Variants in KAZN observed in about 807,000 individuals in gnomAD.
KAZN encodes the protein kazrin.
Under a neutral mutation model 87.4 loss-of-function variants are expected in KAZN, and 40 were observed. That is an observed-to-expected ratio of 0.46 (90% CI 0.36 to 0.60). The LOEUF is 0.60. KAZN is among the 20% of genes least tolerant of loss of function. KAZN has a pLI of 0.00. For missense variants in KAZN, 898 were observed against 1,073.9 expected, an observed-to-expected ratio of 0.84 and a Z score of 2.29; for synonymous variants, 466 against 458.3, an observed-to-expected ratio of 1.02 and a Z score of -0.22.
chr1:14,420,592 A>C (rs1309572874), intron 2 of KAZN, among the ~76,000 whole-genome samples: 1 of 152,198 alleles, frequency 6.6e-6, no homozygotes, highest in African/African-American at 2.4e-5. Context: ...TCAGGAGCCC[A>C]CGGCAGGAGT....
At chr1:14,781,624 A>G (rs959259571) in intron 1 of KAZN, among the ~76,000 whole-genome samples, 28 of 152,330 alleles carry the variant, frequency 1.8e-4, no homozygotes, top group African/African-American at 3.4e-4. Flanking sequence ...CAAGGTTGCA[A>G]TGTTACTGAC....
chr1:14,545,373 T>C (rs911471431), intron 2 of KAZN, among the ~76,000 whole-genome samples: 3 of 152,344 alleles, frequency 2.0e-5, no homozygotes, highest in East Asian at 1.9e-4. Context: ...GCTGTGGTTT[T>C]AATTGCAAGC....
chr1:14,686,267 G>A (rs1640945585), intron 1 of KAZN, among the ~76,000 whole-genome samples: 1 of 152,154 alleles, frequency 6.6e-6, no homozygotes, highest in Non-Finnish European at 1.5e-5. Flanking sequence ...TTTTCACCAT[G>A]TTGGCCAGGA....
At chr1:14,783,630 C>T (rs932637556) in intron 1 of KAZN, among the ~76,000 whole-genome samples, 2 of 152,160 alleles carry the variant, frequency 1.3e-5, no homozygotes, top group African/African-American at 2.4e-5. Flanking sequence ...CCACTGCTGT[C>T]GATCTTAGCC....
In KAZN at chr1:14,584,087, C is replaced by T. The variant is rs146383980; in HGVS notation, c.250-14896C>T. 5.7e-3 allele frequency among the ~76,000 whole-genome samples: 870 copies of T among 152,290 alleles called. 12 individuals carry two copies. Among genetic ancestry groups the T allele is most frequent in the African/African-American group, 0.02 (841 of 41,564 alleles). ...GCCTGGTCTGCCCAGGATTCCTTCTCCTTCTGCTAAATCACTCCCCCAGCC... is the reference window on the plus strand; with the variant it reads ...GCCTGGTCTGCCCAGGATTCCTTCTTCTTCTGCTAAATCACTCCCCCAGCC... On this transcript the variant is annotated intron_variant, in intron 2 of 16. Coordinates refer to the KAZN transcript ENST00000636203.
At chr1:14,489,817 GA>G (rs1431303097) in intron 2 of KAZN, among the ~76,000 whole-genome samples, 1 of 101,224 alleles carries the variant, frequency 9.9e-6, no homozygotes, top group African/African-American at 3.0e-5. Context: ...ATTATTTAAG[GA>G]GAATTTTTCC....
intron 12 of KAZN, among the ~76,000 whole-genome samples, 163 bp from the exon 13 acceptor site, chr1:15,103,860 G>A (rs1641196385): frequency 6.6e-6 from 1 of 151,914 alleles, no homozygotes; most frequent in Admixed American, 6.6e-5. Context: ...TGACCTCGTG[G>A]CTCTAAAAAA....
At chr1:14,954,052 T>C (rs1456537538) in intron 1 of KAZN, among the ~76,000 whole-genome samples, 1 of 152,198 alleles carries the variant, frequency 6.6e-6, no homozygotes, top group African/African-American at 2.4e-5. Flanking sequence ...GTATGGACCT[T>C]TCCTCTGAGT....
intron 4 of KAZN, among the ~76,000 whole-genome samples, 163 bp from the exon 5 acceptor site, chr1:15,055,928 C>A (rs574282607): frequency 6.6e-6 from 1 of 152,248 alleles, no homozygotes; most frequent in South Asian, 2.1e-4. Context: ...CACACGGCTG[C>A]GGGGCAGGCG....
At chr1:15,024,081 A>C (rs1670947645) in intron 2 of KAZN, among the ~76,000 whole-genome samples, 2 of 152,056 alleles carry the variant, frequency 1.3e-5, no homozygotes, top group Admixed American at 1.3e-4. Context: ...AGAGGTGTGG[A>C]TGCTCTGGGC....
chr1:14,564,091 A>T (rs1674409718), intron 2 of KAZN, among the ~76,000 whole-genome samples: 1 of 150,762 alleles, frequency 6.6e-6, no homozygotes, highest in South Asian at 2.1e-4. Flanking sequence ...CTGGTCTTGA[A>T]CTCCTTAACA....
intron 1 of KAZN, among the ~76,000 whole-genome samples, chr1:14,937,008 G>A (rs935068154): frequency 1.3e-5 from 2 of 151,986 alleles, no homozygotes; most frequent in East Asian, 1.9e-4. Context: ...TTCCCACCCC[G>A]AACTAAGTCC....
intron 1 of KAZN, among the ~76,000 whole-genome samples, chr1:14,022,087 AT>A (rs1640854882): frequency 6.6e-6 from 1 of 151,556 alleles, no homozygotes; most frequent in Admixed American, 6.6e-5. Context: ...ATGACAATTG[AT>A]TTCATATCTT....
At chr1:13,958,036 A>G (rs1218003099) in intron 1 of KAZN, among the ~76,000 whole-genome samples, 4 of 152,226 alleles carry the variant, frequency 2.6e-5, no homozygotes, top group African/African-American at 9.6e-5. Flanking sequence ...TTGAATAGGC[A>G]TGTGCATGAA....
chr1:14,673,949 C>T (rs145132305), intron 1 of KAZN, among the ~76,000 whole-genome samples: 2 of 152,292 alleles, frequency 1.3e-5, no homozygotes, highest in East Asian at 3.9e-4. Context: ...TCCTGAATCA[C>T]TCTGCAGTGA....
chr1:14,296,929 G>T (rs1478545935), intron 2 of KAZN, among the ~76,000 whole-genome samples: 1 of 152,012 alleles, frequency 6.6e-6, no homozygotes, highest in African/African-American at 2.4e-5. Context: ...ATTCTTAAAA[G>T]GTGAGTCATG....
chr1:14,789,099 C>T (rs534006821), intron 1 of KAZN, among the ~76,000 whole-genome samples: 6 of 152,278 alleles, frequency 3.9e-5, no homozygotes, highest in African/African-American at 7.2e-5. Context: ...TCTTACATGT[C>T]GGGAGCATTC....
chr1:14,108,214 T>C (rs1644422152), intron 1 of KAZN, among the ~76,000 whole-genome samples: 1 of 151,996 alleles, frequency 6.6e-6, no homozygotes, highest in African/African-American at 2.4e-5. Flanking sequence ...AGGTCTTTGC[T>C]TGAAAGTCAT....
In KAZN at chr1:14,243,137, C is replaced by T. The variant is rs146399383; in HGVS notation, c.249+62545C>T. 6.4e-3 allele frequency among the ~76,000 whole-genome samples: 970 copies of T among 152,270 alleles called. 7 individuals carry two copies. Among genetic ancestry groups the T allele is most frequent in the Middle Eastern group, 0.01 (3 of 294 alleles). ...TGCCCCTCCACCATGCCACTACACA[C>T]ACACATACTGTGTTTCTCTGTTTTC... On this transcript the variant is annotated intron_variant, in intron 2 of 16. Transcript: ENST00000636203.
Sources: gnomAD v4.1 joint callset for allele counts (sites outside exome capture counted in the v4.1 genomes callset) on GRCh38, gnomAD v4.1.1 for gene constraint, MANE v1.5 for transcripts, NCBI Gene and HGNC (gene_info 2026-07-23, HGNC 2026-07-21) for gene names.